The following RPS6KA2 variants were observed in gnomAD, a reference collection of about 807,000 sequenced individuals.
The protein encoded by RPS6KA2 is ribosomal protein S6 kinase A2, also known as ribosomal protein S6 kinase alpha-2.
In RPS6KA2, 42 loss-of-function variants were observed where a neutral mutation model predicts 91.8. The observed-to-expected ratio is 0.46, with a 90% CI of 0.36 to 0.59. The LOEUF (loss-of-function observed/expected upper bound fraction) is 0.59, where lower values mean the gene tolerates loss of function less well. Ranked by LOEUF, RPS6KA2 falls within the 20% of genes least tolerant of loss-of-function variation. RPS6KA2 has a pLI of 0.00. For synonymous variants in RPS6KA2, 414 were observed against 393.6 expected (o/e 1.05, Z -0.61); for missense variants, 798 against 978.5 (o/e 0.82, Z 2.46).
At position 166,493,317 on chromosome 6, in the gene RPS6KA2, T is replaced by G. The variant is rs1781671594; in HGVS notation, c.748-2576A>C. ...GCCTTTCCCATCCCCTTATCCACCC[T>G]TTTCTGTGGAGAAGGGAGATCATTT... On this transcript the variant is annotated intron_variant, in intron 8 of 20. Transcript: ENST00000265678. The surrounding 1 kb of genome is among the most constrained non-coding windows in gnomAD (Gnocchi z 4.7). 6.6e-6 allele frequency among the ~76,000 whole-genome samples: 1 copy of G among 152,112 alleles called. No individual in the cohort carries two copies. Among genetic ancestry groups the G allele is most frequent in the Non-Finnish European group, 1.5e-5 (1 of 68,012 alleles).
intron 1 of RPS6KA2, among the ~76,000 whole-genome samples, chr6:166,591,646 AGGATCCTC>A (rs1030492359): frequency 5.5e-4 from 83 of 152,288 alleles, no homozygotes; most frequent in Middle Eastern, 3.4e-3. Context: ...GGGGCAAGGA[AGGATCCTC>A]CCAGGGCGTT....
At chr6:166,772,087 C>T (rs1436416546) in intron 2 of RPS6KA2, among the ~76,000 whole-genome samples, 1 of 152,020 alleles carries the variant, frequency 6.6e-6, no homozygotes, top group Non-Finnish European at 1.5e-5. Context: ...CTGACTTTAC[C>T]ACTTGTTTTT....
chr6:166,608,104 C>T (rs1786019552), intron 1 of RPS6KA2, among the ~76,000 whole-genome samples: 2 of 152,066 alleles, frequency 1.3e-5, no homozygotes, highest in South Asian at 4.1e-4. Flanking sequence ...TTCTTCCACA[C>T]ATCTAGCTTT....
chr6:166,643,621 T>A (rs899755142), intron 2 of RPS6KA2, among the ~76,000 whole-genome samples: 1 of 152,076 alleles, frequency 6.6e-6, no homozygotes, highest in African/African-American at 2.4e-5. Flanking sequence ...TTTAGAAAAA[T>A]TTTTGTCTCA....
Position 166,726,371 on chromosome 6 carries a change from C to T in RPS6KA2, c.123+131829G>A, listed in dbSNP as rs148702005. ...CTGGGGGAAAGTTCCATTCCACCTCCGATTCCTAGAGCTGCAAGCAGCAAG... is the reference window on the plus strand; with the variant it reads ...CTGGGGGAAAGTTCCATTCCACCTCTGATTCCTAGAGCTGCAAGCAGCAAG... On this transcript the variant is annotated intron_variant, in intron 2 of 21. Coordinates refer to the RPS6KA2 transcript ENST00000503859. The surrounding 1 kb of genome is among the most constrained non-coding windows in gnomAD (Gnocchi z 4.4). 4.3e-4 allele frequency among the ~76,000 whole-genome samples: 66 copies of T among 152,284 alleles called. No individual in the cohort carries two copies. Among genetic ancestry groups the T allele is most frequent in the African/African-American group, 1.3e-3 (56 of 41,550 alleles).
intron 2 of RPS6KA2, among the ~76,000 whole-genome samples, chr6:166,641,764 AT>A (rs1787445186): frequency 2.8e-4 from 39 of 140,212 alleles, no homozygotes; most frequent in African/African-American, 1.0e-3. Context: ...AAAAAAAAAA[AT>A]TCAATAGATC....
chr6:166,800,573 C>CA (rs1292704495), intron 2 of RPS6KA2, among the ~76,000 whole-genome samples: 1 of 152,208 alleles, frequency 6.6e-6, no homozygotes, highest in African/African-American at 2.4e-5. Context: ...CTGGAGGACG[C>CA]AGCAACAGGG....
At position 166,538,710 on chromosome 6, in the gene RPS6KA2, C is replaced by T. The variant is rs924459795; in HGVS notation, c.174G>A (p.Gln58=). The T allele has an allele frequency of 1.9e-6, 3 of 1,612,072 alleles. No homozygotes were observed. The highest frequency in any genetic ancestry group is 1.7e-5 in the Admixed American group (1 of 60,002). ...KEGFEKADPS[Q]FELLKVLGQG... Reference sequence around the variant, plus strand: ...GTCCTAAAACCTTCAGCAGCTCAAACTGGGAAGGATCTGCCTTCTCAAAGC... The same window carrying T: ...GTCCTAAAACCTTCAGCAGCTCAAATTGGGAAGGATCTGCCTTCTCAAAGC... The change falls in exon 2 of 21, where the codon CAG becomes CAA. Residue 58 remains glutamine (Q), a synonymous_variant. Coordinates refer to ENST00000265678, the MANE Select transcript of RPS6KA2 (RefSeq NM_021135.6).
At chr6:166,485,512 G>A (rs898156817) in intron 10 of RPS6KA2, among the ~76,000 whole-genome samples, 9 of 152,056 alleles carry the variant, frequency 5.9e-5, no homozygotes, top group Admixed American at 1.3e-4. Flanking sequence ...TAGGGCTGAC[G>A]GACACTGCAA....
At chr6:166,862,089 C>T (rs754112052) in intron 1 of RPS6KA2, 5 of 1,614,104 alleles carry the variant, frequency 3.1e-6, no homozygotes, top group Admixed American at 1.7e-5. Flanking sequence ...GTGAAAAGTG[C>T]GTTCTCTCCT....
At chr6:166,797,960 T>C (rs1779267001) in intron 2 of RPS6KA2, among the ~76,000 whole-genome samples, 1 of 150,736 alleles carries the variant, frequency 6.6e-6, no homozygotes, top group African/African-American at 2.4e-5. Flanking sequence ...AAGGCAAGAG[T>C]GAAAAAAACC....
At chr6:166,439,088 C>G (rs1402496083) in intron 14 of RPS6KA2, among the ~76,000 whole-genome samples, 1 of 123,884 alleles carries the variant, frequency 8.1e-6, no homozygotes, top group Non-Finnish European at 1.7e-5. Flanking sequence ...CATATTTTTT[C>G]TTGTCTTTAT....
intron 1 of RPS6KA2, among the ~76,000 whole-genome samples, chr6:166,558,851 T>C (rs1476384860): frequency 6.6e-6 from 1 of 152,238 alleles, no homozygotes; most frequent in Non-Finnish European, 1.5e-5. Flanking sequence ...TCTGACATCC[T>C]TGCTATGAAG....
At chr6:166,565,052 A>G (rs1469233268) in intron 1 of RPS6KA2, among the ~76,000 whole-genome samples, 1 of 152,204 alleles carries the variant, frequency 6.6e-6, no homozygotes, top group African/African-American at 2.4e-5. Context: ...GGCAGACACC[A>G]AGAGCCACTT....
Position 166,459,377 on chromosome 6 carries a change from G to T in RPS6KA2, c.1075+72C>A, listed in dbSNP as rs1780199212. 4.6e-6 allele frequency: 4 copies of T among 871,356 alleles called. No homozygotes were observed. Among genetic ancestry groups the T allele is most frequent in the Non-Finnish European group, 7.4e-6 (4 of 541,616 alleles). 54.0% of individuals were successfully genotyped at this position (871,356 alleles called of 1,614,324 possible). A position where few individuals can be genotyped will look rare whatever the true frequency, so the allele number is the denominator to read the frequency against. On this transcript the variant is annotated intron_variant, in intron 12 of 20. Transcript: ENST00000265678. This position sits in a 1 kb window ranked among gnomAD's most constrained non-coding sequence, Gnocchi z 4.9. ...GAATTCTGAGGCATGGGAATTTCTT[G>T]TTCCTAGATATCTGTCTCTAAGGGG...
At chr6:166,806,180 A>C (rs1779489055) in intron 2 of RPS6KA2, among the ~76,000 whole-genome samples, 1 of 152,232 alleles carries the variant, frequency 6.6e-6, no homozygotes, top group Non-Finnish European at 1.5e-5. Flanking sequence ...GAATGGGGAA[A>C]GAGAGAAAGG....
At chr6:166,496,883 G>A (rs778381865) in intron 8 of RPS6KA2, among the ~76,000 whole-genome samples, 57 of 152,218 alleles carry the variant, frequency 3.7e-4, no homozygotes, top group African/African-American at 1.2e-3. Flanking sequence ...ATAGCCCAGC[G>A]TCAGCAAAGG....
intron 2 of RPS6KA2, among the ~76,000 whole-genome samples, chr6:166,686,187 C>T (rs747713592): frequency 4.6e-5 from 7 of 152,058 alleles, no homozygotes; most frequent in Non-Finnish European, 7.4e-5. Context: ...CATGTAAGGT[C>T]GGTCCTGCTG....
chr6:166,755,269 C>T (rs1272453916), intron 2 of RPS6KA2, among the ~76,000 whole-genome samples: 2 of 152,114 alleles, frequency 1.3e-5, no homozygotes, highest in Non-Finnish European at 2.9e-5. Flanking sequence ...GCTTTCTCTG[C>T]TTTCCGTTTT....
Sources: gnomAD v4.1 joint callset for allele counts (sites outside exome capture counted in the v4.1 genomes callset) on GRCh38, gnomAD v4.1.1 for gene constraint, Gnocchi (gnomAD v3.1) non-coding constraint, MANE v1.5 for transcripts, NCBI Gene and HGNC (gene_info 2026-07-23, HGNC 2026-07-21) for gene names.